Variants in EDA observed in about 807,000 individuals in gnomAD.
EDA encodes ectodysplasin-A.
A neutral mutation model predicts 23.6 loss-of-function variants in EDA; 2 were observed. The observed-to-expected ratio is 0.08, with a 90% confidence interval of 0.03 to 0.27. The LOEUF (loss-of-function observed/expected upper bound fraction) is 0.27, where lower values mean the gene tolerates loss of function less well. EDA is among the 10% of genes least tolerant of loss of function. EDA has a pLI of 1.00. For missense variants in EDA, 229 were observed against 324.2 expected, an observed-to-expected ratio of 0.71 and a Z score of 2.26; for synonymous variants, 131 against 132.0, an observed-to-expected ratio of 0.99 and a Z score of 0.05.
At chrX:69,632,037 G>C (rs983469965) in intron 1 of EDA, among the ~76,000 whole-genome samples, 1 of 112,050 alleles carries the variant, frequency 8.9e-6, no homozygotes, top group African/African-American at 3.2e-5. Flanking sequence ...ATATGAAATT[G>C]TGGTTTATTT....
chrX:69,645,306 T>C (rs976678406), intron 1 of EDA, among the ~76,000 whole-genome samples: 9 of 109,025 alleles, frequency 8.3e-5, no homozygotes, highest in African/African-American at 3.0e-4. Context: ...AGGATTCAAT[T>C]TCTTCCTGGT....
At chrX:69,659,348 A>G (rs1016539781) in intron 1 of EDA, among the ~76,000 whole-genome samples, 4 of 111,989 alleles carry the variant, frequency 3.6e-5, no homozygotes, top group Admixed American at 1.9e-4. Context: ...GCAGTCCCCA[A>G]TTTTCACCAC....
intron 2 of EDA, among the ~76,000 whole-genome samples, chrX:69,958,603 G>C (rs373492459): frequency 1.9e-3 from 208 of 110,304 alleles, no homozygotes; most frequent in African/African-American, 6.7e-3. Context: ...TTTGAATGGA[G>C]AACTGGACCA....
intron 1 of EDA, among the ~76,000 whole-genome samples, chrX:69,920,642 C>T (rs776147949): frequency 3.6e-5 from 4 of 111,125 alleles, no homozygotes; most frequent in African/African-American, 1.3e-4. Context: ...CCATTTGAAG[C>T]ACATCATAGC....
intron 1 of EDA, among the ~76,000 whole-genome samples, chrX:69,817,967 A>G (rs189970428): frequency 8.9e-6 from 1 of 111,959 alleles, no homozygotes; most frequent in Non-Finnish European, 1.9e-5. Context: ...TGATCACATA[A>G]TCGGAAGTAA....
intron 2 of EDA, chrX:69,957,337 C>G (rs2019024901): frequency 2.6e-6 from 1 of 387,171 alleles, no homozygotes; most frequent in African/African-American, 2.6e-5. Context: ...ACTAAAAATA[C>G]AAAAAAAATT....
intron 1 of EDA, among the ~76,000 whole-genome samples, chrX:69,785,762 G>A (rs1393936335): frequency 9.5e-6 from 1 of 105,632 alleles, no homozygotes; most frequent in Non-Finnish European, 2.0e-5. Flanking sequence ...CTCTTTTTTG[G>A]TTGTGTCTCT....
At chrX:69,804,582 A>G (rs980886367) in intron 1 of EDA, among the ~76,000 whole-genome samples, 2 of 110,466 alleles carry the variant, frequency 1.8e-5, no homozygotes, top group Admixed American at 1.9e-4. Context: ...AGAAATGCTC[A>G]ATAATGAGGT....
chrX:69,744,224 C>T (rs2013546823), intron 1 of EDA, among the ~76,000 whole-genome samples: 1 of 111,676 alleles, frequency 9.0e-6, no homozygotes, highest in South Asian at 3.7e-4. Flanking sequence ...AATTCTAAAC[C>T]CTTTCCCCAC....
chrX:69,789,846 T>C (rs1275715144), intron 1 of EDA, among the ~76,000 whole-genome samples: 2 of 112,263 alleles, frequency 1.8e-5, no homozygotes, highest in Non-Finnish European at 3.8e-5. Context: ...AAGTGGCTGA[T>C]GGCAAATCTT....
chrX:70,003,749 AAG>A (rs1263770714), intron 2 of EDA, among the ~76,000 whole-genome samples: 1 of 112,069 alleles, frequency 8.9e-6, no homozygotes, highest in Non-Finnish European at 1.9e-5. Flanking sequence ...CCCCTTTTTG[AAG>A]AGTCACATTT....
intron 1 of EDA, among the ~76,000 whole-genome samples, chrX:69,880,918 C>T (rs2147620013): frequency 1.8e-5 from 2 of 112,169 alleles, no homozygotes; most frequent in East Asian, 5.7e-4. Context: ...GCTTTCTTGC[C>T]ATTACCTAGT....
chrX:69,664,217 T>A (rs1248828304), intron 1 of EDA, among the ~76,000 whole-genome samples: 2 of 111,525 alleles, frequency 1.8e-5, no homozygotes, highest in Admixed American at 1.9e-4. Flanking sequence ...GCCACCCAAA[T>A]CTCATCTTGA....
chrX:69,918,219 C>T (rs2018374674), intron 1 of EDA, among the ~76,000 whole-genome samples: 1 of 98,672 alleles, frequency 1.0e-5, no homozygotes, highest in Non-Finnish European at 2.0e-5. Flanking sequence ...TGCAGAGGCA[C>T]AATCTCAGCT....
chrX:69,655,092 T>C (rs1468527610), intron 1 of EDA, among the ~76,000 whole-genome samples: 1 of 111,871 alleles, frequency 8.9e-6, no homozygotes, highest in African/African-American at 3.3e-5. Flanking sequence ...ATGCTAGAGA[T>C]AGAATAGAAA....
intron 1 of EDA, among the ~76,000 whole-genome samples, chrX:69,920,527 T>C (rs1476302932): frequency 3.6e-5 from 4 of 111,451 alleles, no homozygotes. Flanking sequence ...GGAGTACTAG[T>C]TAGGTATTTT....
At chrX:69,839,647 A>G (rs1168408803) in intron 1 of EDA, among the ~76,000 whole-genome samples, 1 of 112,286 alleles carries the variant, frequency 8.9e-6, no homozygotes, top group Non-Finnish European at 1.9e-5. Context: ...GACTAAGTCA[A>G]ACTCCCTCTG....
chrX:69,616,847 G>A (rs1931979999), intron 1 of EDA, 143 bp downstream of exon 1: 7 of 834,399 alleles, frequency 8.4e-6, no homozygotes, highest in Admixed American at 3.0e-5. Context: ...GAGCAAGGGA[G>A]AAGTTGCCCA....
At chrX:69,776,775 AAGTT>A (rs1569327103) in intron 1 of EDA, among the ~76,000 whole-genome samples, 2 of 111,357 alleles carry the variant, frequency 1.8e-5, no homozygotes, top group Non-Finnish European at 1.9e-5. Context: ...CCTCTGAAAC[AAGTT>A]AGTTAGTAGG....
Sources: gnomAD v4.1 joint callset for allele counts (sites outside exome capture counted in the v4.1 genomes callset) on GRCh38, gnomAD v4.1.1 for gene constraint, MANE v1.5 for transcripts, NCBI Gene and HGNC (gene_info 2026-07-23, HGNC 2026-07-21) for gene names.